Variants in AGBL1 observed in about 807,000 individuals in gnomAD.
The protein encoded by AGBL1 is cytosolic carboxypeptidase 4.
Under a neutral mutation model 118.9 loss-of-function variants are expected in AGBL1, and 130 were observed. The ratio of observed to expected loss-of-function variants is 1.09; its 90% CI spans 0.95 to 1.26. AGBL1 has a LOEUF of 1.26. Ranked by LOEUF, AGBL1 falls within the 50% of genes most tolerant of loss-of-function variation. AGBL1 has a pLI of 0.00. For synonymous variants in AGBL1, 555 were observed against 478.9 expected (o/e 1.16, Z -2.08); for missense variants, 1,584 against 1,298.1 (o/e 1.22, Z -3.38).
chr15:86,585,648 G>A (rs1029037020), intron 21 of AGBL1, among the ~76,000 whole-genome samples: 7 of 152,114 alleles, frequency 4.6e-5, no homozygotes, highest in African/African-American at 1.7e-4. Context: ...TTAAAGGTAT[G>A]AGCCATCTTA....
intron 21 of AGBL1, among the ~76,000 whole-genome samples, chr15:86,576,786 G>A (rs879734590): frequency 1.3e-4 from 20 of 152,168 alleles, no homozygotes; most frequent in Non-Finnish European, 2.2e-4. Context: ...GATGGTTATC[G>A]TAAGGAGGAG....
At chr15:86,366,805 G>A (rs2080894042) in intron 17 of AGBL1, among the ~76,000 whole-genome samples, 1 of 152,090 alleles carries the variant, frequency 6.6e-6, no homozygotes, top group Non-Finnish European at 1.5e-5. Context: ...ATATGATCTT[G>A]GGGGGAAAAA....
chr15:86,525,389 A>G (rs1431357978), intron 19 of AGBL1, among the ~76,000 whole-genome samples: 5 of 152,202 alleles, frequency 3.3e-5, no homozygotes, highest in African/African-American at 1.2e-4. Context: ...CAGAATTAGA[A>G]AAAACAATCC....
intron 21 of AGBL1, among the ~76,000 whole-genome samples, chr15:86,620,030 G>A (rs1272248607): frequency 6.6e-6 from 1 of 152,122 alleles, no homozygotes; most frequent in Non-Finnish European, 1.5e-5. Context: ...TGTTCTTCCA[G>A]AAATGCTGGG....
intron 23 of AGBL1, among the ~76,000 whole-genome samples, chr15:86,970,025 A>T (rs1342279147): frequency 1.3e-5 from 2 of 151,824 alleles, no homozygotes; most frequent in Non-Finnish European, 2.9e-5. Context: ...CTTTACAGGG[A>T]AGAGTTGTAT....
chr15:86,963,527 C>T (rs1281031994), intron 23 of AGBL1, among the ~76,000 whole-genome samples: 2 of 151,912 alleles, frequency 1.3e-5, no homozygotes, highest in South Asian at 2.1e-4. Flanking sequence ...ACGTTGAAAG[C>T]ACACATATTA....
intron 22 of AGBL1, among the ~76,000 whole-genome samples, chr15:86,846,930 C>T (rs1487385610): frequency 6.6e-6 from 1 of 152,012 alleles, no homozygotes; most frequent in Non-Finnish European, 1.5e-5. Flanking sequence ...GTATTGACAC[C>T]CTTTAAGTTT....
intron 18 of AGBL1, among the ~76,000 whole-genome samples, chr15:86,508,083 G>T (rs2083001358): frequency 6.7e-6 from 1 of 148,862 alleles, no homozygotes; most frequent in Non-Finnish European, 1.5e-5. Context: ...ACCATGCCCA[G>T]CTAATTTTTT....
intron 21 of AGBL1, among the ~76,000 whole-genome samples, chr15:86,665,340 T>C (rs1027954523): frequency 1.3e-3 from 3 of 2,270 alleles, no homozygotes; most frequent in African/African-American, 2.5e-3. Context: ...CACTTCCAAA[T>C]TTCCTTGGAA....
intron 22 of AGBL1, among the ~76,000 whole-genome samples, chr15:86,783,839 C>T (rs1014691872): frequency 7.8e-6 from 1 of 128,030 alleles, no homozygotes; most frequent in Non-Finnish European, 2.0e-5. Flanking sequence ...CCATGTCAGC[C>T]AGGCTGGTCT....
chr15:87,001,828 T>C (rs1335400041), intron 24 of AGBL1, among the ~76,000 whole-genome samples: 1 of 152,052 alleles, frequency 6.6e-6, no homozygotes, highest in African/African-American at 2.4e-5. Flanking sequence ...GATGGGGTTG[T>C]TTTTTTCTTG....
chr15:86,384,183 A>G (rs1354188549), intron 17 of AGBL1, among the ~76,000 whole-genome samples: 2 of 152,180 alleles, frequency 1.3e-5, no homozygotes, highest in African/African-American at 2.4e-5. Context: ...ACAGCCAAAC[A>G]GAAGTGATCT....
rs61634259 is a variant in AGBL1, at chr15:86,297,779, G to T, written c.2374+2371G>T. Among the ~76,000 whole-genome samples the T allele has an allele frequency of 2.6e-3, 390 of 152,232 alleles. 1 individual carries two copies. The highest frequency in any genetic ancestry group is 0.017 in the Middle Eastern group (5 of 294). ...GGAGCTCAGAAAGGTTAAATACTAT[G>T]ATCAGTAGAGGTGACAGATTTTCAA... On this transcript the variant is annotated intron_variant, in intron 17 of 22. Transcript: ENST00000614907.
chr15:86,245,800 T>C (rs1415350290), intron 6 of AGBL1, among the ~76,000 whole-genome samples: 1 of 152,244 alleles, frequency 6.6e-6, no homozygotes, highest in African/African-American at 2.4e-5. Context: ...AGAGCCCTGT[T>C]GCTCACTACC....
chr15:86,256,490 G>C (rs551658581), intron 7 of AGBL1, among the ~76,000 whole-genome samples: 37 of 152,344 alleles, frequency 2.4e-4, no homozygotes, highest in African/African-American at 8.7e-4. Flanking sequence ...ACACATGGGT[G>C]GCTGAGAAAA....
chr15:86,401,541 G>C (rs2081445808), intron 18 of AGBL1, among the ~76,000 whole-genome samples: 1 of 152,110 alleles, frequency 6.6e-6, no homozygotes, highest in South Asian at 2.1e-4. Context: ...ATGCCTAGAA[G>C]AGTTGTTACA....
chr15:86,150,836 T>C (rs950778225), intron 3 of AGBL1, among the ~76,000 whole-genome samples: 3 of 152,108 alleles, frequency 2.0e-5, no homozygotes, highest in African/African-American at 7.2e-5. Flanking sequence ...TAGAACAATA[T>C]CCCTGATGAA....
intron 22 of AGBL1, among the ~76,000 whole-genome samples, chr15:86,696,424 T>A (rs1341198685): frequency 6.6e-6 from 1 of 151,942 alleles, no homozygotes. Context: ...TGGTGTCCTT[T>A]TGCATGGAAT....
intron 21 of AGBL1, among the ~76,000 whole-genome samples, chr15:86,650,795 T>G (rs1389466119): frequency 1.3e-5 from 2 of 152,188 alleles, no homozygotes; most frequent in African/African-American, 4.8e-5. Flanking sequence ...CTCCCTCATC[T>G]CCCAGACCTA....
Sources: allele counts gnomAD v4.1 joint callset (sites outside exome capture counted in the v4.1 genomes callset), GRCh38; gene constraint gnomAD v4.1.1; transcripts MANE v1.5; gene names NCBI Gene and HGNC (gene_info 2026-07-23, HGNC 2026-07-21).